The following REXO1 variants were observed in gnomAD, a reference collection of about 807,000 sequenced individuals.
REXO1 encodes the protein REX1, RNA exonuclease 1 homolog.
REXO1 carries 42 observed loss-of-function variants against 102.6 expected under a neutral mutation model. The ratio of observed to expected loss-of-function variants is 0.41; its 90% CI spans 0.32 to 0.53. The LOEUF (loss-of-function observed/expected upper bound fraction) is 0.53, where lower values mean the gene tolerates loss of function less well. Ranked by LOEUF, REXO1 falls within the 20% of genes least tolerant of loss-of-function variation. The pLI, the probability that REXO1 is intolerant of heterozygous loss-of-function variation, is 0.27. For missense variants in REXO1, 1,819 were observed against 1,732.5 expected, an observed-to-expected ratio of 1.05 and a Z score of -0.89; for synonymous variants, 908 against 779.1, an observed-to-expected ratio of 1.17 and a Z score of -2.76.
intron 1 of REXO1, among the ~76,000 whole-genome samples, chr19:1,832,054 G>A (rs2069921216): frequency 6.6e-6 from 1 of 152,112 alleles, no homozygotes; most frequent in African/African-American, 2.4e-5. Context: ...CTGAGGGTGG[G>A]TGAACATCTT....
chr19:1,823,886 G>A (rs1048985827), intron 3 of REXO1, 101 bp from the exon 4 acceptor site: 8 of 461,856 alleles, frequency 1.7e-5, no homozygotes, highest in African/African-American at 4.0e-5. Context: ...CTCGGGGGCC[G>A]GAGGCACCAC....
At position 1,828,153 on chromosome 19, in the gene REXO1, G is replaced by C. The variant is rs201959341; in HGVS notation, c.636C>G (p.His212Gln). The C allele has an allele frequency of 1.4e-3, 2,304 of 1,610,262 alleles. 2 individuals carry two copies. Among genetic ancestry groups the C allele is most frequent in the Non-Finnish European group, 1.8e-3 (2,098 of 1,179,226 alleles). ...ACTTGCCACTGGGAACGGGGCGGCTGTGCCGCCGGGGCTGGCTCACAGCCT... is the reference window on the plus strand; with the variant it reads ...ACTTGCCACTGGGAACGGGGCGGCTCTGCCGCCGGGGCTGGCTCACAGCCT... ...VPKAVSQPRRHSRPVPSGKYV... is the reference protein window; with the variant it reads ...VPKAVSQPRRQSRPVPSGKYV... The change falls in exon 2 of 16, where the codon CAC becomes CAG. Residue 212 changes from histidine to glutamine, a missense_variant. Physicochemically the swap from His to Gln is conservative, Grantham distance 24. Transcript: ENST00000170168.
Position 1,847,317 on chromosome 19 carries a change from G to T in REXO1, c.157+885C>A, listed in dbSNP as rs539685872. Among the ~76,000 whole-genome samples, 4 of 152,330 alleles carry T rather than the reference G, an allele frequency of 2.6e-5. No individual in the cohort carries two copies. In the South Asian group the frequency reaches 8.3e-4, roughly 32 times the overall value. On this transcript the variant is annotated intron_variant, in intron 1 of 15. Coordinates refer to ENST00000170168, the MANE Select transcript of REXO1 (RefSeq NM_020695.4). ...TTTCTCTTTTGCAGGAAAAGGTTCT[G>T]AGCTGAGACTGTTTCATGGTTAAAG...
chr19:1,848,124 A>T, intron 1 of REXO1, 78 bp downstream of exon 1: 1 of 720,436 alleles, frequency 1.4e-6, no homozygotes, highest in Non-Finnish European at 1.9e-6. Context: ...GAGAACGGGG[A>T]CCCCGGGCGG....
chr19:1,848,478 GC>G lies in REXO1; in HGVS notation c.-121del. 3.4e-5 allele frequency: 24 copies of G among 707,096 alleles called. No homozygotes were observed. Among genetic ancestry groups the G allele is most frequent in the Non-Finnish European group, 4.3e-5 (24 of 562,570 alleles). 43.8% of individuals were successfully genotyped at this position (707,096 alleles called of 1,614,324 possible). On this transcript the variant is annotated 5_prime_UTR_variant, in exon 1 of 16. Transcript: ENST00000170168. The stretch of plus-strand genomic sequence containing the variant: ...CCCGCCGCCGCCATCTTGCTCCGAG[GC>G]CCCCGGAGGCCCTCGGGACGCCGCC...
At position 1,827,928 on chromosome 19, in the gene REXO1, T is replaced by C; in HGVS notation, c.861A>G (p.Ser287=). The change falls in exon 2 of 16, where the codon TCA becomes TCG. Residue 287 remains serine (S), a synonymous_variant. Coordinates refer to ENST00000170168, the MANE Select transcript of REXO1 (RefSeq NM_020695.4). ...CCGTGGCGGCCTCATCTTCTGAGTC[T>C]GAGAACCTTGCATCGCAACTGCCAA... ...DPFGSCDARF[S]DSEDEAATVP... is the part of the protein sequence containing the mutation. 1 of 1,613,736 alleles carries C rather than the reference T, an allele frequency of 6.2e-7. No individual in the cohort carries two copies. The highest frequency in any genetic ancestry group is 8.5e-7 in the Non-Finnish European group (1 of 1,179,868).
chr19:1,816,408 C>T (rs764428405), intron 14 of REXO1, 23 bp downstream of exon 14: 18 of 1,606,126 alleles, frequency 1.1e-5, no homozygotes, highest in South Asian at 3.3e-5. Flanking sequence ...GAGAACCGCG[C>T]GGGACCCGGG....
chr19:1,820,112 CCAG>C, intron 6 of REXO1, 55 bp from the exon 7 acceptor site: 2 of 1,576,880 alleles, frequency 1.3e-6, no homozygotes, highest in East Asian at 4.5e-5. Context: ...CCGGGGAGCC[CCAG>C]CGGTGGGGTC....
At position 1,826,810 on chromosome 19, in the gene REXO1, G is replaced by T; in HGVS notation, c.1911+68C>A. The T allele has an allele frequency of 1.3e-6, 2 of 1,530,054 alleles. No individual in the cohort carries two copies. Among genetic ancestry groups the T allele is most frequent in the Non-Finnish European group, 8.8e-7 (1 of 1,141,170 alleles). The allele number at this position is 1,530,054 out of a possible 1,614,324, so 94.8% of individuals were successfully genotyped here. A position where few individuals can be genotyped will look rare whatever the true frequency, so the allele number is the denominator to read the frequency against. On this transcript the variant is annotated intron_variant, in intron 2 of 15. Transcript: ENST00000170168. This position sits in a 1 kb window ranked among gnomAD's most constrained non-coding sequence, Gnocchi z 4.3. ...AGCCAACTGGAAACCACTCCAGATA[G>T]AAGGTCTCTCACCAGGCCCTCGGCT...
intron 1 of REXO1, among the ~76,000 whole-genome samples, chr19:1,837,935 C>T (rs1244223180): frequency 5.9e-5 from 9 of 152,226 alleles, no homozygotes; most frequent in African/African-American, 1.7e-4. Context: ...TGACTGGACG[C>T]GCTGCTGTCC....
In REXO1 at chr19:1,848,368, C is replaced by T. The variant is rs1599184826; in HGVS notation, c.-10G>A. On this transcript the variant is annotated 5_prime_UTR_variant, in exon 1 of 16. Transcript: ENST00000170168. ...CAGTGGAGCGTAGCATGGTCCGTCC[C>T]GCGGCGGGGCCCCGGCCCGGAGCCG... The T allele has an allele frequency of 7.5e-6, 9 of 1,207,992 alleles. No homozygotes were observed. In the Admixed American group the frequency reaches 2.2e-4, roughly 30 times the overall value. The allele number at this position is 1,207,992 out of a possible 1,614,324, so 74.8% of individuals were successfully genotyped here. A position where few individuals can be genotyped will look rare whatever the true frequency, so the allele number is the denominator to read the frequency against.
intron 1 of REXO1, among the ~76,000 whole-genome samples, chr19:1,832,041 A>C (rs975473715): frequency 3.9e-5 from 6 of 151,906 alleles, no homozygotes; most frequent in African/African-American, 1.5e-4. Context: ...TGAACAAAGG[A>C]CCCTGAGGGT....
chr19:1,824,725 TCA>T (rs1489396536), intron 3 of REXO1, among the ~76,000 whole-genome samples: 1 of 152,188 alleles, frequency 6.6e-6, no homozygotes, highest in African/African-American at 2.4e-5. Flanking sequence ...ACAAAAAGCG[TCA>T]CAGATTTACA....
At chr19:1,821,222 G>A (rs553200881) in intron 5 of REXO1, among the ~76,000 whole-genome samples, 1 of 152,064 alleles carries the variant, frequency 6.6e-6, no homozygotes, top group African/African-American at 2.4e-5. Flanking sequence ...GCGGGCGCCT[G>A]TAGTCCCAGC....
chr19:1,821,197 C>T lies in REXO1; in HGVS notation c.2394+322G>A, dbSNP rs942146560. Among the ~76,000 whole-genome samples the T allele has an allele frequency of 4.0e-5, 6 of 151,270 alleles. No homozygotes were observed. The South Asian group carries it at 6.2e-4, about 16-fold the overall frequency. On this transcript the variant is annotated intron_variant, in intron 5 of 15. Transcript: ENST00000170168. The stretch of plus-strand genomic sequence containing the variant: ...CCCGTTTCTACTAAAAATACAAAAA[C>T]AGCCAGGCGTGGTGGCGGGCGCCTG...
At chr19:1,846,848 G>A (rs2011564342) in intron 1 of REXO1, among the ~76,000 whole-genome samples, 1 of 152,134 alleles carries the variant, frequency 6.6e-6, no homozygotes, top group Non-Finnish European at 1.5e-5. Context: ...AGCTGTGATC[G>A]CACCACTGCA....
rs368184628 is a variant in REXO1 at position 1,825,957 on chromosome 19, C to G, written c.1912-14G>C. On this transcript the variant is annotated splice_polypyrimidine_tract_variant and intron_variant, in intron 2 of 15. Transcript: ENST00000170168. Reference sequence around the variant, plus strand: ...TTCCTTGGGGGGCTAAGACACATGTCCGTCCGTCAGCACAGGTCTGCCCTC... The same window carrying G: ...TTCCTTGGGGGGCTAAGACACATGTGCGTCCGTCAGCACAGGTCTGCCCTC... The G allele has an allele frequency of 5.5e-5, 88 of 1,589,872 alleles. No individual in the cohort carries two copies. The highest frequency in any genetic ancestry group is 7.2e-5 in the Non-Finnish European group (84 of 1,158,642).
At chr19:1,817,539 G>C in intron 11 of REXO1, 168 bp downstream of exon 11, 1 of 1,456,422 alleles carries the variant, frequency 6.9e-7, no homozygotes, top group South Asian at 1.4e-5. Context: ...GCCAGGGACA[G>C]GGCCTGGGGC....
At chr19:1,825,116 A>G (rs2069670635) in intron 3 of REXO1, among the ~76,000 whole-genome samples, 1 of 143,000 alleles carries the variant, frequency 7.0e-6, no homozygotes, top group South Asian at 2.5e-4. Context: ...TCTGGCCAAC[A>G]TGGTGAAACC....
Sources: allele counts gnomAD v4.1 joint callset (sites outside exome capture counted in the v4.1 genomes callset), GRCh38; gene constraint gnomAD v4.1.1; non-coding constraint Gnocchi (gnomAD v3.1); transcripts MANE v1.5; gene names NCBI Gene and HGNC (gene_info 2026-07-23, HGNC 2026-07-21).